SLC29A1: variants seen among roughly 807,000 people sequenced by gnomAD.
SLC29A1 encodes the protein solute carrier family 29 member 1 (Augustine blood group).
Under a neutral mutation model 48.3 loss-of-function variants are expected in SLC29A1, and 22 were observed. That is an observed-to-expected ratio of 0.46 (90% CI 0.33 to 0.65). The LOEUF (loss-of-function observed/expected upper bound fraction) is 0.65, where lower values mean the gene tolerates loss of function less well. Ranked by LOEUF, SLC29A1 falls within the 30% of genes least tolerant of loss-of-function variation. The pLI, the probability that SLC29A1 is intolerant of heterozygous loss-of-function variation, is 0.03. For synonymous variants in SLC29A1, 228 were observed against 231.0 expected (o/e 0.99, Z 0.12); for missense variants, 491 against 575.3 (o/e 0.85, Z 1.50).
At position 44,229,481 on chromosome 6, in the gene SLC29A1, G is replaced by A. The variant is rs1360852043; in HGVS notation, c.111+10G>A. 6.2e-7 allele frequency: 1 copy of A among 1,613,332 alleles called. No individual in the cohort carries two copies. On this transcript the variant is annotated intron_variant, in intron 3 of 12. Transcript: ENST00000371755. The surrounding 1 kb of genome is among the most constrained non-coding windows in gnomAD (Gnocchi z 5.1). ...CATGACGGCCACTCAGGTGAGGCTG[G>A]AGGGACTGGGCTCCATGGGGCAGTG... is the stretch of plus-strand genomic sequence containing the variant.
At position 44,232,804 on chromosome 6, in the gene SLC29A1, C is replaced by T. The variant is rs2153307018; in HGVS notation, c.1060-3C>T. On this transcript the variant is annotated splice_region_variant and splice_polypyrimidine_tract_variant and intron_variant, in intron 11 of 12. Transcript: ENST00000371755. The surrounding 1 kb of genome is among the most constrained non-coding windows in gnomAD (Gnocchi z 4.7). ...GGGCTGAGGCCCTGCCTGGTGCCCA[C>T]AGCCTGGGAAGGACAGCCGCTGGCT... 2 of 1,609,464 alleles carry T rather than the reference C, an allele frequency of 1.2e-6. No homozygotes were observed. The highest frequency in any genetic ancestry group is 1.7e-6 in the Non-Finnish European group (2 of 1,179,794).
In SLC29A1 at chr6:44,229,503, A is replaced by G. The variant is rs1482941770; in HGVS notation, c.111+32A>G. ...CTGGAGGGACTGGGCTCCATGGGGCAGTGCCCACTGTGCTTGCAGGATCTG... is the reference window on the plus strand; with the variant it reads ...CTGGAGGGACTGGGCTCCATGGGGCGGTGCCCACTGTGCTTGCAGGATCTG... On this transcript the variant is annotated intron_variant, in intron 3 of 12. Transcript: ENST00000371755. The surrounding 1 kb of genome is among the most constrained non-coding windows in gnomAD (Gnocchi z 5.1). 2.5e-6 allele frequency: 4 copies of G among 1,609,550 alleles called. No individual in the cohort carries two copies. Among genetic ancestry groups the G allele is most frequent in the Non-Finnish European group, 3.4e-6 (4 of 1,175,862 alleles).
intron 1 of SLC29A1, among the ~76,000 whole-genome samples, chr6:44,226,399 C>T (rs962040733): frequency 6.6e-6 from 1 of 151,986 alleles, no homozygotes; most frequent in African/African-American, 2.4e-5. Context: ...GGGATCCACC[C>T]CTCCAATCTT....
chr6:44,230,080 G>A, intron 5 of SLC29A1, 34 bp downstream of exon 5: 1 of 1,601,488 alleles, frequency 6.2e-7, no homozygotes, highest in South Asian at 1.1e-5. Context: ...TATGGGAGGA[G>A]GCATGCCCAA....
rs756892903 is a variant in SLC29A1 at position 44,230,792 on chromosome 6, C to T, written c.688-19C>T. 18 of 1,608,190 alleles carry T rather than the reference C, an allele frequency of 1.1e-5. No homozygotes were observed. The East Asian group carries it at 2.0e-4, about 18-fold the overall frequency. On this transcript the variant is annotated intron_variant, in intron 7 of 12. Transcript: ENST00000371755. ...ATTCTGCCTCTAAATCCACCTCCCC[C>T]GTCTCCCTTACTTGATAGGAATTCT...
upstream of SLC29A1, among the ~76,000 whole-genome samples, chr6:44,220,650 T>TAA (rs564819806): frequency 2.0e-3 from 229 of 116,266 alleles, 1 homozygote; most frequent in East Asian, 0.016. Context: ...CCGTCTCTAC[T>TAA]AAAAAAAAAA....
chr6:44,219,888 C>G (rs1776134080), upstream of SLC29A1: 2 of 750,120 alleles, frequency 2.7e-6, no homozygotes, highest in East Asian at 1.5e-4. Flanking sequence ...TAGGGGGACC[C>G]GCTGGGCTAC....
At chr6:44,219,871 G>C (rs1776130083), upstream of SLC29A1, 26 of 905,072 alleles carry the variant, frequency 2.9e-5, no homozygotes, top group South Asian at 2.3e-4. Flanking sequence ...GCGGGACAGG[G>C]GGCCAGTAGG....
At position 44,229,207 on chromosome 6, in the gene SLC29A1, C is replaced by T. The variant is rs929999513; in HGVS notation, c.30-183C>T. ...ACCCCATCCCCACCCCAAATTCCAA[C>T]GAGCAATGTACCCTTTTCTCCCCCC... On this transcript the variant is annotated intron_variant, in intron 2 of 12. Coordinates refer to ENST00000371755, the MANE Select transcript of SLC29A1 (RefSeq NM_001372327.1). The surrounding 1 kb of genome is among the most constrained non-coding windows in gnomAD (Gnocchi z 5.1). 4.6e-5 allele frequency among the ~76,000 whole-genome samples: 7 copies of T among 152,040 alleles called. No homozygotes were observed. The highest frequency in any genetic ancestry group is 2.1e-4 in the South Asian group (1 of 4,812).
Position 44,231,999 on chromosome 6 carries a change from T to G in SLC29A1, c.866T>G (p.Ile289Ser), listed in dbSNP as rs1268772000. The G allele has an allele frequency of 2.5e-6, 4 of 1,610,876 alleles. No individual in the cohort carries two copies. In the African/African-American group the frequency reaches 5.3e-5, roughly 22 times the overall value. Reference protein sequence around the residue: ...SHSIKAILKNISVLAFSVCFI... With the variant: ...SHSIKAILKNSSVLAFSVCFI... Reference sequence around the variant, plus strand: ...GGTGACTCTACCCCTTCTATCTAGATCTCAGTCCTGGCTTTCTCTGTCTGC... The same window carrying G: ...GGTGACTCTACCCCTTCTATCTAGAGCTCAGTCCTGGCTTTCTCTGTCTGC... The change falls in exon 10 of 13, where the codon ATC (isoleucine) becomes AGC (serine). Residue 289 changes from isoleucine (I) to serine (S), a missense_variant and splice_region_variant. Ile to Ser is a moderately radical substitution (Grantham distance 142). Coordinates refer to ENST00000371755, the MANE Select transcript of SLC29A1 (RefSeq NM_001372327.1).
Position 44,230,796 on chromosome 6 carries a change from TC to T in SLC29A1, c.688-12del, listed in dbSNP as rs1778681240. On this transcript the variant is annotated splice_polypyrimidine_tract_variant and intron_variant, in intron 7 of 12. Transcript: ENST00000371755. ...TGCCTCTAAATCCACCTCCCCCGTC[TC>T]CCTTACTTGATAGGAATTCTACCGC... 1 of 1,611,006 alleles carries T rather than the reference TC, an allele frequency of 6.2e-7. No individual in the cohort carries two copies. The highest frequency in any genetic ancestry group is 8.5e-7 in the Non-Finnish European group (1 of 1,177,270).
intron 9 of SLC29A1, 132 bp downstream of exon 9, chr6:44,231,593 GTGCGTGCCCA>G: frequency 1.5e-6 from 1 of 667,444 alleles, no homozygotes; most frequent in Non-Finnish European, 2.7e-6. Context: ...TTGTGTGTGC[GTGCGTGCCCA>G]TGCGTGCGTG....
In SLC29A1 at chr6:44,223,780, C is replaced by A; in HGVS notation, c.-52+139C>A. The A allele has an allele frequency of 9.7e-7, 1 of 1,029,102 alleles. No individual in the cohort carries two copies. Among genetic ancestry groups the A allele is most frequent in the Non-Finnish European group, 1.2e-6 (1 of 854,800 alleles). The allele number at this position is 1,029,102 out of a possible 1,614,324, so 63.7% of individuals were successfully genotyped here. A position where few individuals can be genotyped will look rare whatever the true frequency, so the allele number is the denominator to read the frequency against. On this transcript the variant is annotated intron_variant, in intron 1 of 12. Coordinates refer to ENST00000371755, the MANE Select transcript of SLC29A1 (RefSeq NM_001372327.1). The surrounding 1 kb of genome is among the most constrained non-coding windows in gnomAD (Gnocchi z 5.0). ...AGGGACGCCGGGTGGGGCCCCAGTG[C>A]GGAGCGTGCGGAGCCGCGCAGCACG...
At chr6:44,233,242 ATACACGTTCCC>A (rs1189362603) in intron 12 of SLC29A1, among the ~76,000 whole-genome samples, 164 bp from the exon 13 acceptor site, 1 of 152,146 alleles carries the variant, frequency 6.6e-6, no homozygotes, top group Non-Finnish European at 1.5e-5. Flanking sequence ...CAACCCCACC[ATACACGTTCCC>A]TCAAGGAGGA....
intron 2 of SLC29A1, among the ~76,000 whole-genome samples, chr6:44,228,304 T>TC (rs1006275654): frequency 6.6e-6 from 1 of 152,140 alleles, no homozygotes. Context: ...CCCAGCGTAC[T>TC]CCCCCCAACC....
chr6:44,232,101 C>G lies in SLC29A1; in HGVS notation c.968C>G (p.Thr323Ser), dbSNP rs777752026. The change falls in exon 10 of 13, where the codon ACC becomes AGC. Residue 323 changes from threonine (T) to serine (S), a missense_variant. Thr to Ser is a moderately conservative substitution (Grantham distance 58). Transcript: ENST00000371755. The surrounding 1 kb of genome is among the most constrained non-coding windows in gnomAD (Gnocchi z 4.7). ...AAGTCCAGCATCGCAGGCAGCAGCA[C>G]CTGGGGTGAGGATGCCACAGGTTTC... The part of the protein sequence containing the change: ...EVKSSIAGSS[T>S]WERYFIPVSC... 6.2e-7 allele frequency: 1 copy of G among 1,612,102 alleles called. No homozygotes were observed. The highest frequency in any genetic ancestry group is 8.5e-7 in the Non-Finnish European group (1 of 1,178,186).
chr6:44,225,086 G>A (rs1214571869), intron 1 of SLC29A1, among the ~76,000 whole-genome samples: 1 of 152,138 alleles, frequency 6.6e-6, no homozygotes, highest in African/African-American at 2.4e-5. Flanking sequence ...CCCCACCCTA[G>A]GCCCCCATCT....
chr6:44,227,278 A>C lies in SLC29A1; in HGVS notation c.-36A>C, dbSNP rs1245125076. 1 of 1,613,788 alleles carries C rather than the reference A, an allele frequency of 6.2e-7. No individual in the cohort carries two copies. The highest frequency in any genetic ancestry group is 8.5e-7 in the Non-Finnish European group (1 of 1,179,886). ...CCCCCAGCAGGCCCCTGAGGGAGGG[A>C]GCTGTCAGCCAGGGAAAACCGAGAA... On this transcript the variant is annotated 5_prime_UTR_variant, in exon 2 of 13. Transcript: ENST00000371755.
chr6:44,230,414 C>T lies in SLC29A1; in HGVS notation c.522C>T (p.Ala174=), dbSNP rs1778560790. The T allele has an allele frequency of 2.5e-6, 4 of 1,614,130 alleles. No homozygotes were observed. Among genetic ancestry groups the T allele is most frequent in the Non-Finnish European group, 3.4e-6 (4 of 1,180,022 alleles). ...LAGLLPASYT[A]PIMSGQGLAG... Reference sequence around the variant, plus strand: ...GCCTTCTGCCTGCCAGCTACACGGCCCCCATCATGAGTGGCCAGGGCCTAG... The same window carrying T: ...GCCTTCTGCCTGCCAGCTACACGGCTCCCATCATGAGTGGCCAGGGCCTAG... Residue 174 remains alanine (A), a synonymous_variant, in exon 6 of 13, where the codon GCC becomes GCT. Coordinates refer to ENST00000371755, the MANE Select transcript of SLC29A1 (RefSeq NM_001372327.1).
Sources: gnomAD v4.1 joint callset for allele counts (sites outside exome capture counted in the v4.1 genomes callset) on GRCh38, gnomAD v4.1.1 for gene constraint, Gnocchi (gnomAD v3.1) non-coding constraint, MANE v1.5 for transcripts, NCBI Gene and HGNC (gene_info 2026-07-23, HGNC 2026-07-21) for gene names.